STRN3: variants seen among roughly 807,000 people sequenced by gnomAD.
The protein encoded by STRN3 is striatin-3.
STRN3 carries 29 observed loss-of-function variants against 95.6 expected under a neutral mutation model. The ratio of observed to expected loss-of-function variants is 0.30; its 90% CI spans 0.23 to 0.41. STRN3 has a LOEUF of 0.41. Among genes scored for constraint, STRN3 ranks in the 10% least tolerant of loss-of-function variants. The pLI is 1.00. For synonymous variants in STRN3, 331 were observed against 357.6 expected (o/e 0.93, Z 0.84); for missense variants, 890 against 972.1 (o/e 0.92, Z 1.12).
At position 30,928,073 on chromosome 14, in the gene STRN3, C is replaced by G. The variant is rs1878282280; in HGVS notation, c.1099+1128G>C. On this transcript the variant is annotated intron_variant, in intron 8 of 17. Coordinates refer to ENST00000357479, the MANE Select transcript of STRN3 (RefSeq NM_001083893.2). ...AAATGATGTTAGAACTAAACACAAC[C>G]CCAGCCCAGTATCAAATGTTTTTAA... Among the ~76,000 whole-genome samples, 5 of 152,078 alleles carry G rather than the reference C, an allele frequency of 3.3e-5. No individual in the cohort carries two copies. In the South Asian group the frequency reaches 1.0e-3, roughly 32 times the overall value.
intron 1 of STRN3, among the ~76,000 whole-genome samples, chr14:30,985,757 AAT>A (rs1388123936): frequency 4.6e-5 from 7 of 152,352 alleles, no homozygotes; most frequent in African/African-American, 9.6e-5. Flanking sequence ...TATCATAAGA[AAT>A]ATATCTTTTG....
intron 1 of STRN3, among the ~76,000 whole-genome samples, chr14:31,008,994 G>A (rs189788504): frequency 7.0e-4 from 106 of 151,600 alleles, no homozygotes; most frequent in South Asian, 4.8e-3. Flanking sequence ...AGCCGTGATT[G>A]TACCACTGCA....
rs1174348253 is a variant in STRN3 at position 30,919,398 on chromosome 14, T to C, written c.1100-292A>G. On this transcript the variant is annotated intron_variant, in intron 8 of 17. Coordinates refer to ENST00000357479, the MANE Select transcript of STRN3 (RefSeq NM_001083893.2). ...ATATATATATCTCCACAGAATACTTTAGAGAGTTCTTTAAAGTTCTGTAAG... is the reference window on the plus strand; with the variant it reads ...ATATATATATCTCCACAGAATACTTCAGAGAGTTCTTTAAAGTTCTGTAAG... Among the ~76,000 whole-genome samples, 3 of 151,678 alleles carry C rather than the reference T, an allele frequency of 2.0e-5. No homozygotes were observed. In the East Asian group the frequency reaches 5.8e-4, roughly 29 times the overall value.
intron 1 of STRN3, among the ~76,000 whole-genome samples, chr14:31,004,002 G>T (rs1407123086): frequency 2.0e-5 from 3 of 150,330 alleles, no homozygotes; most frequent in Non-Finnish European, 4.4e-5. Context: ...AGAAGTTTCT[G>T]GGTGGGCGCA....
intron 17 of STRN3, 24 bp downstream of exon 17, chr14:30,895,638 G>A (rs1404137999): frequency 2.5e-6 from 4 of 1,611,654 alleles, no homozygotes; most frequent in South Asian, 2.2e-5. Context: ...AAGTTTGTGG[G>A]CAGTACAGGA....
At chr14:30,933,863 T>C (rs1453751230) in intron 7 of STRN3, among the ~76,000 whole-genome samples, 2 of 152,164 alleles carry the variant, frequency 1.3e-5, no homozygotes, top group African/African-American at 4.8e-5. Context: ...AGTCAATAAA[T>C]GTATTACATA....
chr14:30,991,927 T>A (rs1185059303), intron 1 of STRN3, among the ~76,000 whole-genome samples: 91 of 142,324 alleles, frequency 6.4e-4, no homozygotes, highest in African/African-American at 2.2e-3. Flanking sequence ...CTCTATTCTT[T>A]AAAAAAAAAA....
At chr14:31,010,934 G>A (rs1403648432) in intron 1 of STRN3, among the ~76,000 whole-genome samples, 1 of 152,224 alleles carries the variant, frequency 6.6e-6, no homozygotes, top group Admixed American at 6.5e-5. Flanking sequence ...AGCTACTCAG[G>A]AGGGTGAGGT....
chr14:30,928,849 A>G (rs1878325562), intron 8 of STRN3, among the ~76,000 whole-genome samples: 1 of 151,880 alleles, frequency 6.6e-6, no homozygotes. Context: ...GTTTATAGCT[A>G]TACTCTATGT....
At chr14:30,943,186 G>A (rs1352904600) in intron 5 of STRN3, among the ~76,000 whole-genome samples, 3 of 152,060 alleles carry the variant, frequency 2.0e-5, no homozygotes, top group Admixed American at 2.0e-4. Context: ...TTATTCCTAG[G>A]GGTTTTCAAA....
intron 8 of STRN3, among the ~76,000 whole-genome samples, chr14:30,927,643 A>G (rs1333747101): frequency 6.6e-6 from 1 of 151,916 alleles, no homozygotes; most frequent in Non-Finnish European, 1.5e-5. Context: ...ATTAAACCCT[A>G]GGCCAGGCAT....
At chr14:30,911,289 C>A in intron 12 of STRN3, 127 bp from the exon 13 acceptor site, 4 of 831,328 alleles carry the variant, frequency 4.8e-6, no homozygotes, top group Non-Finnish European at 6.9e-6. Context: ...GTACACCTGA[C>A]TGGTACTTTT....
intron 1 of STRN3, among the ~76,000 whole-genome samples, chr14:30,962,135 A>G (rs915777135): frequency 1.3e-5 from 2 of 152,212 alleles, no homozygotes; most frequent in African/African-American, 4.8e-5. Context: ...GCATAGGTTA[A>G]TATGTGTGTT....
chr14:31,018,553 A>G (rs1883353849), intron 1 of STRN3: 3 of 457,156 alleles, frequency 6.6e-6, no homozygotes, highest in South Asian at 3.1e-5. Context: ...CTGAAGAGGG[A>G]CTGCACTTTG....
At position 31,017,837 on chromosome 14, in the gene STRN3, G is replaced by A. The variant is rs143315631; in HGVS notation, c.282+8067C>T. 5.7e-3 allele frequency among the ~76,000 whole-genome samples: 864 copies of A among 152,166 alleles called. 7 individuals carry two copies. The highest frequency in any genetic ancestry group is 0.031 in the Middle Eastern group (9 of 292). ...CACACCTGAAATCCCAGCACTTTGG[G>A]AGGCCAAGGCGGGTGATCACTTGAG... is the stretch of plus-strand genomic sequence containing the variant. On this transcript the variant is annotated intron_variant, in intron 1 of 17. Transcript: ENST00000357479.
intron 1 of STRN3, among the ~76,000 whole-genome samples, chr14:30,973,344 G>T (rs1305207039): frequency 6.6e-6 from 1 of 151,090 alleles, no homozygotes; most frequent in Non-Finnish European, 1.5e-5. Context: ...GGGGGGGAGG[G>T]GGAGAGAAGG....
intron 1 of STRN3, among the ~76,000 whole-genome samples, chr14:30,961,997 A>C (rs962817907): frequency 1.1e-4 from 16 of 152,234 alleles, no homozygotes; most frequent in Non-Finnish European, 1.9e-4. Flanking sequence ...GTATTCCAGA[A>C]GAAGATATTG....
At chr14:30,972,153 G>C (rs2139197838) in intron 1 of STRN3, among the ~76,000 whole-genome samples, 2 of 152,070 alleles carry the variant, frequency 1.3e-5, no homozygotes, top group Admixed American at 1.3e-4. Context: ...AATCTTTTTC[G>C]ATTATCTACT....
intron 1 of STRN3, among the ~76,000 whole-genome samples, chr14:30,993,868 T>TGG (rs887648042): frequency 5.0e-4 from 75 of 150,380 alleles, no homozygotes; most frequent in African/African-American, 1.6e-3. Flanking sequence ...TTAGTAGAGA[T>TGG]GGGGTTTCTT....
Sources: allele counts gnomAD v4.1 joint callset (sites outside exome capture counted in the v4.1 genomes callset), GRCh38; gene constraint gnomAD v4.1.1; transcripts MANE v1.5; gene names NCBI Gene and HGNC (gene_info 2026-07-23, HGNC 2026-07-21).